The following CNTLN variants were observed in gnomAD, a reference collection of about 807,000 sequenced individuals.
The protein encoded by CNTLN is centlein.
In CNTLN, 212 loss-of-function variants were observed where a neutral mutation model predicts 180.0. The observed-to-expected ratio is 1.18, with a 90% confidence interval of 1.05 to 1.32. The LOEUF is 1.32. Among genes scored for constraint, CNTLN ranks in the 40% most tolerant of loss-of-function variants. The pLI is 0.00. For missense variants in CNTLN, 2,095 were observed against 1,610.9 expected (o/e 1.30, Z -5.14); for synonymous variants, 722 against 563.1 (o/e 1.28, Z -3.99).
chr9:17,352,892 A>T (rs1053792070), intron 12 of CNTLN, among the ~76,000 whole-genome samples: 1 of 152,188 alleles, frequency 6.6e-6, no homozygotes, highest in African/African-American at 2.4e-5. Flanking sequence ...TCAAAAGTTC[A>T]TTACTTTTTT....
chr9:17,351,919 T>C (rs1232210213), intron 12 of CNTLN, among the ~76,000 whole-genome samples: 1 of 152,176 alleles, frequency 6.6e-6, no homozygotes, highest in Non-Finnish European at 1.5e-5. Context: ...CTTTCCCTTT[T>C]GTTTCATATC....
At chr9:17,205,602 T>C (rs2131915658) in intron 2 of CNTLN, among the ~76,000 whole-genome samples, 1 of 152,326 alleles carries the variant, frequency 6.6e-6, no homozygotes, top group South Asian at 2.1e-4. Context: ...CTGGCTGAAC[T>C]AGTAGTGGTC....
At chr9:17,254,722 A>G (rs1469760797) in intron 5 of CNTLN, among the ~76,000 whole-genome samples, 1 of 129,238 alleles carries the variant, frequency 7.7e-6, no homozygotes, top group African/African-American at 3.3e-5. Flanking sequence ...ATGAAGAAAT[A>G]TGAGTTCTCC....
the CNTLN span, among the ~76,000 whole-genome samples, chr9:17,515,323 C>T: frequency 6.6e-6 from 1 of 152,242 alleles, no homozygotes; most frequent in East Asian, 1.9e-4. Context: ...GTTAGGGGTA[C>T]TACCAGGCTC....
Position 17,269,557 on chromosome 9 carries a change from C to T in CNTLN, c.850-4176C>T, listed in dbSNP as rs540849158. On this transcript the variant is annotated intron_variant, in intron 5 of 25. Coordinates refer to ENST00000380647, the MANE Select transcript of CNTLN (RefSeq NM_017738.4). ...TGTTTAAGAATGTTTTGCTTAATTT[C>T]CATGTGGATGAAAAATTTCCAGTTT... Among the ~76,000 whole-genome samples, 884 of 152,138 alleles carry T rather than the reference C, an allele frequency of 5.8e-3. 12 individuals are homozygous for T. The highest frequency in any genetic ancestry group is 9.2e-3 in the Non-Finnish European group (624 of 67,962).
intron 12 of CNTLN, among the ~76,000 whole-genome samples, chr9:17,342,683 AGTGTGGCTCTCATCTGTTGGAG>A (rs1363026149): frequency 6.6e-6 from 1 of 152,178 alleles, no homozygotes; most frequent in East Asian, 1.9e-4. Flanking sequence ...TGTGTTAATT[AGTGTGGCTCTCATCTGTTGGAG>A]GTGTCGCTCT....
intron 12 of CNTLN, among the ~76,000 whole-genome samples, chr9:17,351,576 C>A (rs1197081430): frequency 6.6e-6 from 1 of 151,986 alleles, no homozygotes; most frequent in Non-Finnish European, 1.5e-5. Flanking sequence ...TTCTGACCTC[C>A]CCTCATTGAA....
intron 25 of CNTLN, among the ~76,000 whole-genome samples, chr9:17,489,883 C>T (rs1218235801): frequency 6.6e-6 from 1 of 152,104 alleles, no homozygotes; most frequent in Non-Finnish European, 1.5e-5. Context: ...CTGAAAAAAT[C>T]TTACTAAGTC....
intron 13 of CNTLN, among the ~76,000 whole-genome samples, chr9:17,385,494 C>A (rs2133631512): frequency 6.6e-6 from 1 of 152,168 alleles, no homozygotes; most frequent in African/African-American, 2.4e-5. Flanking sequence ...TTGAAAGGAG[C>A]TTGTTATGCT....
At chr9:17,240,779 GT>G (rs1311767737) in intron 5 of CNTLN, among the ~76,000 whole-genome samples, 1 of 152,036 alleles carries the variant, frequency 6.6e-6, no homozygotes, top group African/African-American at 2.4e-5. Flanking sequence ...TTTTACTTTG[GT>G]TTCTTGTCCC....
intron 2 of CNTLN, among the ~76,000 whole-genome samples, chr9:17,215,080 G>T (rs1044197610): frequency 5.9e-5 from 9 of 152,214 alleles, no homozygotes; most frequent in South Asian, 2.1e-4. Context: ...ATCCAGCTTT[G>T]TTCCGTTGCT....
At chr9:17,474,450 C>G (rs1832218889) in intron 23 of CNTLN, among the ~76,000 whole-genome samples, 2 of 152,272 alleles carry the variant, frequency 1.3e-5, no homozygotes, top group South Asian at 2.1e-4. Flanking sequence ...ACCCAGGAGT[C>G]TGCTACCTGT....
In CNTLN at chr9:17,332,736, C is replaced by T; in HGVS notation, c.1644+6C>T. The T allele has an allele frequency of 6.3e-7, 1 of 1,575,326 alleles. No homozygotes were observed. Among genetic ancestry groups the T allele is most frequent in the Non-Finnish European group, 8.6e-7 (1 of 1,165,068 alleles). ...AGAAGGCACTACAACTAAAGGTGAA[C>T]ATTAAATCATTTCTTTAGTAGTAAC... is the stretch of plus-strand genomic sequence containing the variant. On this transcript the variant is annotated splice_donor_region_variant and intron_variant, in intron 10 of 25. Transcript: ENST00000380647.
rs1326968630 is a variant in CNTLN, at chr9:17,135,315, A to G, written c.250A>G (p.Met84Val). 1.2e-6 allele frequency: 2 copies of G among 1,602,402 alleles called. No individual in the cohort carries two copies. The highest frequency in any genetic ancestry group is 1.7e-5 in the Admixed American group (1 of 57,958). Reference protein sequence around the residue: ...PAHAPLLSAPMGSRRLEGISV... With the variant: ...PAHAPLLSAPVGSRRLEGISV... ...TCATGCTCCCCTCCTCAGCGCGCCC[A>G]TGGGGTCCAGACGGCTAGAGGGCAT... The change falls in exon 1 of 26, where the codon ATG (methionine) becomes GTG (valine). Residue 84 changes from methionine to valine, a missense_variant. Met to Val is a conservative substitution (Grantham distance 21). Transcript: ENST00000380647.
intron 12 of CNTLN, among the ~76,000 whole-genome samples, chr9:17,345,091 T>C (rs1821776056): frequency 2.0e-5 from 3 of 152,222 alleles, no homozygotes. Flanking sequence ...TTCCATTTTA[T>C]GGATGGACCA....
chr9:17,494,202 G>A (rs923953808), intron 25 of CNTLN, among the ~76,000 whole-genome samples: 9 of 152,102 alleles, frequency 5.9e-5, no homozygotes, highest in Non-Finnish European at 1.3e-4. Flanking sequence ...TATTTTAAAA[G>A]CATATCTGTT....
intron 6 of CNTLN, among the ~76,000 whole-genome samples, chr9:17,274,316 A>C (rs1196783086): frequency 6.7e-6 from 1 of 148,442 alleles, no homozygotes; most frequent in East Asian, 1.9e-4. Flanking sequence ...GATTACTTGA[A>C]AAAGGAAGCA....
At chr9:17,226,038 G>A (rs1444963535) in intron 2 of CNTLN, among the ~76,000 whole-genome samples, 165 bp from the exon 3 acceptor site, 2 of 149,124 alleles carry the variant, frequency 1.3e-5, no homozygotes, top group African/African-American at 4.8e-5. Context: ...TTAGTATGAA[G>A]TTGTCTTAGT....
At chr9:17,347,912 A>G (rs537934905) in intron 12 of CNTLN, among the ~76,000 whole-genome samples, 107 of 151,600 alleles carry the variant, frequency 7.1e-4, no homozygotes, top group African/African-American at 2.5e-3. Flanking sequence ...GCTCACTGCA[A>G]CCCCTGCCTC....
Sources: gnomAD v4.1 joint callset for allele counts (sites outside exome capture counted in the v4.1 genomes callset) on GRCh38, gnomAD v4.1.1 for gene constraint, MANE v1.5 for transcripts, NCBI Gene and HGNC (gene_info 2026-07-23, HGNC 2026-07-21) for gene names.